DPP10: variants seen among roughly 807,000 people sequenced by gnomAD.
The protein encoded by DPP10 is inactive dipeptidyl peptidase 10.
In DPP10, 33 loss-of-function variants were observed where a neutral mutation model predicts 120.9. That is an observed-to-expected ratio of 0.27 (90% CI 0.21 to 0.37). The LOEUF (loss-of-function observed/expected upper bound fraction) is 0.37. Among genes scored for constraint, DPP10 ranks in the 10% least tolerant of loss-of-function variants. DPP10 has a pLI of 1.00. For missense variants in DPP10, 816 were observed against 942.8 expected (o/e 0.87, Z 1.76); for synonymous variants, 337 against 326.1 (o/e 1.03, Z -0.36).
At chr2:115,489,368 C>T (rs984492857) in intron 3 of DPP10, among the ~76,000 whole-genome samples, 1 of 151,756 alleles carries the variant, frequency 6.6e-6, no homozygotes, top group African/African-American at 2.4e-5. Context: ...CTCTCTTGGC[C>T]AAGAGGACCC....
intron 1 of DPP10, among the ~76,000 whole-genome samples, chr2:114,763,681 C>A (rs1644098747): frequency 6.6e-6 from 1 of 152,046 alleles, no homozygotes; most frequent in South Asian, 2.1e-4. Context: ...AAAGAAGGGA[C>A]CATGTTTAAT....
At chr2:114,914,395 C>T (rs140443493) in intron 1 of DPP10, among the ~76,000 whole-genome samples, 2 of 152,220 alleles carry the variant, frequency 1.3e-5, no homozygotes, top group African/African-American at 4.8e-5. Flanking sequence ...AAGAGTAATG[C>T]CTATATTCAG....
intron 3 of DPP10, among the ~76,000 whole-genome samples, chr2:115,399,540 T>G (rs1209873564): frequency 6.6e-6 from 1 of 152,174 alleles, no homozygotes; most frequent in African/African-American, 2.4e-5. Flanking sequence ...TAGCCCGAAT[T>G]ATTAAAAAAT....
At chr2:114,925,104 G>A (rs547494454) in intron 1 of DPP10, among the ~76,000 whole-genome samples, 10 of 150,838 alleles carry the variant, frequency 6.6e-5, no homozygotes, top group African/African-American at 2.4e-4. Flanking sequence ...CCAGCTACTC[G>A]GCAGGCTGAG....
chr2:114,623,824 A>AAATTAGTAATTAAAATTCCTAAAC (rs1187214805), intron 1 of DPP10, among the ~76,000 whole-genome samples: 4 of 152,082 alleles, frequency 2.6e-5, no homozygotes, highest in African/African-American at 9.7e-5. Flanking sequence ...TGAATTATCA[A>AAATTAGTAATTAAAATTCCTAAAC]AATTAGTAAT....
chr2:114,852,890 C>T (rs1689075408), intron 1 of DPP10, among the ~76,000 whole-genome samples: 1 of 152,164 alleles, frequency 6.6e-6, no homozygotes, highest in African/African-American at 2.4e-5. Context: ...CCCAAATACG[C>T]AACTCTTCAT....
intron 1 of DPP10, among the ~76,000 whole-genome samples, chr2:114,694,267 C>G (rs1223152251): frequency 6.6e-6 from 1 of 151,708 alleles, no homozygotes; most frequent in African/African-American, 2.4e-5. Flanking sequence ...TATGGTAAGA[C>G]CTTAAGGAAT....
intron 5 of DPP10, among the ~76,000 whole-genome samples, chr2:115,678,752 C>T (rs2090452693): frequency 6.6e-6 from 1 of 152,214 alleles, no homozygotes; most frequent in Admixed American, 6.5e-5. Flanking sequence ...TGCAGGCACT[C>T]AACACCAGCC....
At chr2:115,591,953 C>G (rs999732584) in intron 5 of DPP10, among the ~76,000 whole-genome samples, 1 of 152,094 alleles carries the variant, frequency 6.6e-6, no homozygotes, top group African/African-American at 2.4e-5. Context: ...CATGATTTGG[C>G]TCTCTGTTTG....
At chr2:115,525,665 T>C (rs1418747453) in intron 4 of DPP10, among the ~76,000 whole-genome samples, 1 of 152,082 alleles carries the variant, frequency 6.6e-6, no homozygotes, top group Non-Finnish European at 1.5e-5. Context: ...AGATAACATA[T>C]AGAAAGATAT....
At chr2:114,773,129 T>A (rs13423445) in intron 1 of DPP10, among the ~76,000 whole-genome samples, 1 of 152,156 alleles carries the variant, frequency 6.6e-6, no homozygotes, top group African/African-American at 2.4e-5. Context: ...GACTACATGC[T>A]GTGTTATTTC....
At chr2:114,887,373 T>C (rs1692163552) in intron 1 of DPP10, among the ~76,000 whole-genome samples, 1 of 152,192 alleles carries the variant, frequency 6.6e-6, no homozygotes, top group South Asian at 2.1e-4. Flanking sequence ...AAGGATTATG[T>C]CCTCTTTGAA....
At chr2:114,967,371 A>G (rs937063790) in intron 1 of DPP10, among the ~76,000 whole-genome samples, 1 of 152,148 alleles carries the variant, frequency 6.6e-6, no homozygotes, top group African/African-American at 2.4e-5. Flanking sequence ...TTGTGGACAC[A>G]GATGGATTTT....
At chr2:115,079,803 GAA>G (rs1486552143) in intron 1 of DPP10, among the ~76,000 whole-genome samples, 2 of 152,100 alleles carry the variant, frequency 1.3e-5, no homozygotes, top group Non-Finnish European at 2.9e-5. Context: ...AACAGATAGA[GAA>G]GTCTGCAAAA....
intron 1 of DPP10, among the ~76,000 whole-genome samples, chr2:114,757,834 C>T (rs937906758): frequency 6.6e-6 from 1 of 152,040 alleles, no homozygotes; most frequent in Non-Finnish European, 1.5e-5. Flanking sequence ...GCTTGAGAAC[C>T]GCTGGTGTAG....
At chr2:114,570,671 CAA>C (rs1322895585) in intron 1 of DPP10, among the ~76,000 whole-genome samples, 1 of 138,784 alleles carries the variant, frequency 7.2e-6, no homozygotes. Context: ...TAAAAAAATA[CAA>C]AAAAAAAAAA....
At chr2:115,762,091 C>T (rs1477177654) in intron 11 of DPP10, among the ~76,000 whole-genome samples, 4 of 152,036 alleles carry the variant, frequency 2.6e-5, no homozygotes, top group Non-Finnish European at 5.9e-5. Context: ...TATTTTTTCT[C>T]AAAGACTGAG....
At chr2:114,899,100 A>G (rs1054836436) in intron 1 of DPP10, among the ~76,000 whole-genome samples, 3 of 151,896 alleles carry the variant, frequency 2.0e-5, no homozygotes, top group Non-Finnish European at 2.9e-5. Context: ...TTTTCTTTTC[A>G]AAATGATCAT....
intron 1 of DPP10, among the ~76,000 whole-genome samples, chr2:114,973,790 C>A (rs1391088256): frequency 6.6e-6 from 1 of 151,736 alleles, no homozygotes; most frequent in Non-Finnish European, 1.5e-5. Flanking sequence ...TGAAGACTTT[C>A]CAGTGGGACA....
Sources: gnomAD v4.1 joint callset for allele counts (sites outside exome capture counted in the v4.1 genomes callset) on GRCh38, gnomAD v4.1.1 for gene constraint, MANE v1.5 for transcripts, NCBI Gene and HGNC (gene_info 2026-07-23, HGNC 2026-07-21) for gene names.